Variants in DIAPH3 observed in about 807,000 individuals in gnomAD.
The protein encoded by DIAPH3 is protein diaphanous homolog 3.
A neutral mutation model predicts 144.3 loss-of-function variants in DIAPH3; 117 were observed. The ratio of observed to expected loss-of-function variants is 0.81; its 90% confidence interval spans 0.70 to 0.95. The LOEUF (loss-of-function observed/expected upper bound fraction) is 0.95, where lower values mean the gene tolerates loss of function less well. Among genes scored for constraint, DIAPH3 ranks in the 40% least tolerant of loss-of-function variants. DIAPH3 has a pLI of 0.00. For synonymous variants in DIAPH3, 519 were observed against 488.9 expected, an observed-to-expected ratio of 1.06 and a Z score of -0.81; for missense variants, 1,421 against 1,412.7, an observed-to-expected ratio of 1.01 and a Z score of -0.09.
chr13:59,727,242 G>C (rs1450696383), intron 27 of DIAPH3, among the ~76,000 whole-genome samples: 1 of 152,068 alleles, frequency 6.6e-6, no homozygotes, highest in Non-Finnish European at 1.5e-5. Flanking sequence ...TGGTTGTTTA[G>C]GAAACTGGTA....
chr13:60,007,568 G>A (rs2052961104), intron 9 of DIAPH3, among the ~76,000 whole-genome samples: 2 of 151,996 alleles, frequency 1.3e-5, no homozygotes, highest in Non-Finnish European at 2.9e-5. Flanking sequence ...CTGCACGTTA[G>A]GATCACCTGA....
At chr13:59,877,295 C>T (rs1428466585) in intron 21 of DIAPH3, among the ~76,000 whole-genome samples, 1 of 152,098 alleles carries the variant, frequency 6.6e-6, no homozygotes, top group East Asian at 1.9e-4. Flanking sequence ...TGACCTTTCT[C>T]TCTTCTCTGC....
At chr13:59,672,996 C>T (rs540908232) in intron 27 of DIAPH3, among the ~76,000 whole-genome samples, 3 of 152,172 alleles carry the variant, frequency 2.0e-5, no homozygotes, top group Non-Finnish European at 4.4e-5. Context: ...CATTCTTGTT[C>T]TGTATCACTA....
intron 25 of DIAPH3, among the ~76,000 whole-genome samples, chr13:59,800,588 T>C (rs1044575882): frequency 1.1e-4 from 16 of 152,338 alleles, no homozygotes; most frequent in Non-Finnish European, 1.9e-4. Flanking sequence ...GCAGATATCA[T>C]GATTTAGGAA....
At chr13:60,126,080 A>T (rs2058982797) in intron 2 of DIAPH3, among the ~76,000 whole-genome samples, 1 of 152,222 alleles carries the variant, frequency 6.6e-6, no homozygotes, top group African/African-American at 2.4e-5. Context: ...AAAAGGTCCT[A>T]AACAGAGATA....
intron 27 of DIAPH3, among the ~76,000 whole-genome samples, chr13:59,771,838 A>G (rs373047758): frequency 6.6e-6 from 1 of 152,220 alleles, no homozygotes; most frequent in East Asian, 1.9e-4. Flanking sequence ...GGTAATATGC[A>G]TAAAATATTC....
At chr13:59,761,302 G>A (rs891218289) in intron 27 of DIAPH3, among the ~76,000 whole-genome samples, 16 of 152,026 alleles carry the variant, frequency 1.1e-4, no homozygotes, top group African/African-American at 2.4e-4. Flanking sequence ...AAAAGTCAAC[G>A]ATTATAACTA....
intron 4 of DIAPH3, among the ~76,000 whole-genome samples, chr13:60,076,383 A>G (rs2057382817): frequency 6.6e-6 from 1 of 152,150 alleles, no homozygotes; most frequent in Non-Finnish European, 1.5e-5. Flanking sequence ...CTTATCTTGT[A>G]TAGTTTCAAA....
chr13:60,118,549 A>G (rs547949791), intron 2 of DIAPH3, among the ~76,000 whole-genome samples: 1 of 152,206 alleles, frequency 6.6e-6, no homozygotes, highest in South Asian at 2.1e-4. Flanking sequence ...ATACAGAATA[A>G]AATCTACTGC....
intron 3 of DIAPH3, among the ~76,000 whole-genome samples, chr13:60,099,597 G>C (rs2058205712): frequency 6.6e-6 from 1 of 152,164 alleles, no homozygotes; most frequent in African/African-American, 2.4e-5. Flanking sequence ...CCGAATGCAT[G>C]TTGCTTTCAC....
At chr13:60,041,271 G>A (rs1594474599) in intron 5 of DIAPH3, among the ~76,000 whole-genome samples, 1 of 152,076 alleles carries the variant, frequency 6.6e-6, no homozygotes, top group Non-Finnish European at 1.5e-5. Flanking sequence ...ACTAAAGAAG[G>A]CTAAAATTAA....
At position 59,762,052 on chromosome 13, in the gene DIAPH3, C is replaced by CTTTTTTTTT. The variant is rs35387511; in HGVS notation, c.3319+12128_3319+12136dup. Among the ~76,000 whole-genome samples the CTTTTTTTTT allele has an allele frequency of 1.1e-3, 65 of 59,520 alleles. 1 individual carries two copies. The highest frequency in any genetic ancestry group is 3.7e-3 in the African/African-American group (53 of 14,250). The allele number at this position is 59,520 out of a possible 152,430, so 39.0% of individuals were successfully genotyped here. A position where few individuals can be genotyped will look rare whatever the true frequency, so the allele number is the denominator to read the frequency against. On this transcript the variant is annotated intron_variant, in intron 27 of 27. Coordinates refer to ENST00000400324, the MANE Select transcript of DIAPH3 (RefSeq NM_001042517.2). The stretch of plus-strand genomic sequence containing the variant: ...GCACCCAAGATGAAAGCGTCAGCAT[C>CTTTTTTTTT]TTTTTTTTTTTTTTTTTTTTTTTTT...
chr13:59,704,240 G>A (rs77550000), intron 27 of DIAPH3, among the ~76,000 whole-genome samples: 2,313 of 152,328 alleles, frequency 0.015, 72 homozygotes, highest in East Asian at 0.12. Context: ...CTGCCGAAAC[G>A]TGGCTGGCTT....
At chr13:59,954,044 C>G (rs961933845) in intron 17 of DIAPH3, among the ~76,000 whole-genome samples, 3 of 152,166 alleles carry the variant, frequency 2.0e-5, no homozygotes, top group African/African-American at 7.2e-5. Context: ...AGGTCCATTC[C>G]ATACCAATGC....
At chr13:59,909,058 A>T (rs1473289302) in intron 20 of DIAPH3, among the ~76,000 whole-genome samples, 1 of 152,198 alleles carries the variant, frequency 6.6e-6, no homozygotes, top group Non-Finnish European at 1.5e-5. Flanking sequence ...TGTCTTGTAG[A>T]AATCTGGAGT....
chr13:59,918,265 A>G (rs972413159), intron 18 of DIAPH3, among the ~76,000 whole-genome samples: 15 of 151,854 alleles, frequency 9.9e-5, no homozygotes, highest in African/African-American at 3.4e-4. Flanking sequence ...AAAAAAAGAG[A>G]AGTGAACATA....
rs1266039208 is a variant in DIAPH3 at position 59,786,196 on chromosome 13, A to C, written c.3164-11373T>G. Among the ~76,000 whole-genome samples the C allele has an allele frequency of 2.6e-5, 4 of 152,368 alleles. No individual in the cohort carries two copies. In the South Asian group the frequency reaches 8.3e-4, roughly 32 times the overall value. ...GAAAAATATTTTGCAGCTACATTAG[A>C]ATGTGTAAACCATAATTAGCATACA... On this transcript the variant is annotated intron_variant, in intron 25 of 27. Coordinates refer to ENST00000400324, the MANE Select transcript of DIAPH3 (RefSeq NM_001042517.2).
intron 14 of DIAPH3, among the ~76,000 whole-genome samples, chr13:59,975,957 A>G (rs1226212667): frequency 6.6e-6 from 1 of 151,962 alleles, no homozygotes; most frequent in Admixed American, 6.6e-5. Flanking sequence ...AAAACAAGCC[A>G]TGCATGAGTC....
At chr13:60,011,508 A>G (rs563459339) in intron 7 of DIAPH3, among the ~76,000 whole-genome samples, 9 of 152,356 alleles carry the variant, frequency 5.9e-5, no homozygotes, top group African/African-American at 2.2e-4. Context: ...AAATATTACC[A>G]TTTCAACATA....
Sources: gnomAD v4.1 joint callset for allele counts (sites outside exome capture counted in the v4.1 genomes callset) on GRCh38, gnomAD v4.1.1 for gene constraint, MANE v1.5 for transcripts, NCBI Gene and HGNC (gene_info 2026-07-23, HGNC 2026-07-21) for gene names.